The following CPQ variants were observed in gnomAD, a reference collection of about 807,000 sequenced individuals.
The protein encoded by CPQ is carboxypeptidase Q.
In CPQ, 37 loss-of-function variants were observed where a neutral mutation model predicts 45.7. The observed-to-expected ratio is 0.81, with a 90% CI of 0.62 to 1.07. The LOEUF is 1.07. Ranked by LOEUF, CPQ falls within the 50% of genes least tolerant of loss-of-function variation. The pLI, the probability that CPQ is intolerant of heterozygous loss-of-function variation, is 0.00. For missense variants in CPQ, 537 were observed against 572.9 expected, an observed-to-expected ratio of 0.94 and a Z score of 0.64; for synonymous variants, 186 against 205.8, an observed-to-expected ratio of 0.90 and a Z score of 0.82.
chr8:96,967,173 A>G (rs1401188866), intron 5 of CPQ, among the ~76,000 whole-genome samples: 1 of 152,186 alleles, frequency 6.6e-6, no homozygotes, highest in Non-Finnish European at 1.5e-5. Context: ...GTTCTAGAGG[A>G]AAGCAGGAAA....
intron 4 of CPQ, among the ~76,000 whole-genome samples, chr8:96,926,590 C>CTTA (rs1205678572): frequency 7.0e-6 from 1 of 143,232 alleles, no homozygotes; most frequent in African/African-American, 2.8e-5. Context: ...TCTTCTTCTT[C>CTTA]TTCTTCTTCT....
intron 1 of CPQ, among the ~76,000 whole-genome samples, chr8:96,697,425 G>C (rs1392541726): frequency 6.6e-6 from 1 of 152,094 alleles, no homozygotes; most frequent in African/African-American, 2.4e-5. Flanking sequence ...TTACTGATGA[G>C]GAAAATCTGA....
At chr8:96,794,040 G>T (rs1232519802) in intron 2 of CPQ, among the ~76,000 whole-genome samples, 1 of 152,186 alleles carries the variant, frequency 6.6e-6, no homozygotes, top group African/African-American at 2.4e-5. Context: ...CAAGCTGTTG[G>T]TGGATCTATC....
intron 1 of CPQ, among the ~76,000 whole-genome samples, chr8:96,658,072 ATTC>A (rs1207987428): frequency 6.6e-6 from 1 of 152,208 alleles, no homozygotes; most frequent in Non-Finnish European, 1.5e-5. Context: ...ACACCTGGCT[ATTC>A]TTTTGTAGGG....
rs916562147 is a variant in CPQ at position 96,688,526 on chromosome 8, A to G, written c.-35+43124A>G. On this transcript the variant is annotated intron_variant, in intron 1 of 7. Transcript: ENST00000220763. ...TTTCTGCTTTGTGGGGCGTGTGTGT[A>G]TTTTCTGATTTGGAAGATTTGTAAT... Among the ~76,000 whole-genome samples, 6 of 151,900 alleles carry G rather than the reference A, an allele frequency of 3.9e-5. No individual in the cohort carries two copies. In the East Asian group the frequency reaches 1.2e-3, roughly 29 times the overall value.
intron 7 of CPQ, among the ~76,000 whole-genome samples, chr8:97,137,517 C>T (rs1327319819): frequency 6.6e-6 from 1 of 152,208 alleles, no homozygotes; most frequent in Non-Finnish European, 1.5e-5. Flanking sequence ...AGAGCATGTA[C>T]TCCCCACCAG....
chr8:96,996,082 C>T (rs911246352), intron 5 of CPQ, among the ~76,000 whole-genome samples: 6 of 151,866 alleles, frequency 4.0e-5, no homozygotes, highest in Non-Finnish European at 7.4e-5. Flanking sequence ...ACAGGGTGGA[C>T]GATGGTGTTA....
In CPQ at chr8:96,892,764, T is replaced by C. The variant is rs115049176; in HGVS notation, c.849+12759T>C. 7.7e-3 allele frequency among the ~76,000 whole-genome samples: 1,165 copies of C among 152,240 alleles called. 7 individuals are homozygous for C. The highest frequency in any genetic ancestry group is 0.024 in the African/African-American group (989 of 41,550). ...CTGAAGCCAGACAGACTGTTTTAGA[T>C]AGATAGCCACCCAGGTAGGCAAGGA... On this transcript the variant is annotated intron_variant, in intron 4 of 7. Transcript: ENST00000220763.
At chr8:96,943,361 G>A (rs900964145) in intron 4 of CPQ, among the ~76,000 whole-genome samples, 3 of 152,080 alleles carry the variant, frequency 2.0e-5, no homozygotes, top group African/African-American at 7.2e-5. Flanking sequence ...TGTATGTAAT[G>A]GTGGGACCTA....
intron 4 of CPQ, among the ~76,000 whole-genome samples, chr8:96,933,028 A>G (rs1812994602): frequency 6.6e-6 from 1 of 152,216 alleles, no homozygotes; most frequent in Non-Finnish European, 1.5e-5. Flanking sequence ...AATAGATTAA[A>G]GAGATGATGT....
At chr8:96,943,278 C>T (rs1813147087) in intron 4 of CPQ, among the ~76,000 whole-genome samples, 1 of 152,114 alleles carries the variant, frequency 6.6e-6, no homozygotes, top group Admixed American at 6.6e-5. Context: ...GAACAGACAG[C>T]CCTGAGGTGC....
chr8:96,998,386 C>A (rs540735721), intron 5 of CPQ, among the ~76,000 whole-genome samples: 12 of 151,826 alleles, frequency 7.9e-5, no homozygotes, highest in African/African-American at 2.9e-4. Flanking sequence ...CAAAGGGAGA[C>A]TTTATAAATT....
chr8:96,997,546 A>G (rs1256199524), intron 5 of CPQ, among the ~76,000 whole-genome samples: 1 of 152,016 alleles, frequency 6.6e-6, no homozygotes, highest in Non-Finnish European at 1.5e-5. Context: ...TAAATTCCAA[A>G]TAACATTAGT....
chr8:96,954,842 C>T (rs1245344594), intron 4 of CPQ, among the ~76,000 whole-genome samples: 3 of 151,814 alleles, frequency 2.0e-5, no homozygotes, highest in African/African-American at 4.8e-5. Flanking sequence ...TGAGAACATG[C>T]GGTGTTTGGT....
chr8:96,724,047 C>T (rs914005226), intron 1 of CPQ, among the ~76,000 whole-genome samples: 3 of 151,980 alleles, frequency 2.0e-5, no homozygotes, highest in African/African-American at 7.2e-5. Context: ...TCTCTGCCTA[C>T]CCCTATTTGA....
At chr8:96,834,582 G>T (rs1811501834) in intron 2 of CPQ, among the ~76,000 whole-genome samples, 1 of 152,110 alleles carries the variant, frequency 6.6e-6, no homozygotes, top group Non-Finnish European at 1.5e-5. Context: ...AGATTAATAT[G>T]TGTTTCATTA....
At position 96,898,870 on chromosome 8, in the gene CPQ, T is replaced by C. The variant is rs542493333; in HGVS notation, c.849+18865T>C. On this transcript the variant is annotated intron_variant, in intron 4 of 7. Transcript: ENST00000220763. Reference sequence around the variant, plus strand: ...AATGTAAAGGGAGTAAAAAGGGTGGTAGTCTATAAAGGAACTAGCCATCCA... The same window carrying C: ...AATGTAAAGGGAGTAAAAAGGGTGGCAGTCTATAAAGGAACTAGCCATCCA... Among the ~76,000 whole-genome samples the C allele has an allele frequency of 2.0e-5, 3 of 150,870 alleles. No individual in the cohort carries two copies. The East Asian group carries it at 5.9e-4, about 30-fold the overall frequency.
intron 2 of CPQ, among the ~76,000 whole-genome samples, chr8:96,811,969 C>T (rs2130829841): frequency 6.6e-6 from 1 of 152,154 alleles, no homozygotes; most frequent in African/African-American, 2.4e-5. Flanking sequence ...ATTTAGAAAT[C>T]CACATTAGTG....
chr8:96,923,583 A>G (rs1812836585), intron 4 of CPQ, among the ~76,000 whole-genome samples: 1 of 152,086 alleles, frequency 6.6e-6, no homozygotes, highest in South Asian at 2.1e-4. Flanking sequence ...CAATCCACCT[A>G]TCTATTCATC....
Sources: allele counts gnomAD v4.1 joint callset (sites outside exome capture counted in the v4.1 genomes callset), GRCh38; gene constraint gnomAD v4.1.1; transcripts MANE v1.5; gene names NCBI Gene and HGNC (gene_info 2026-07-23, HGNC 2026-07-21).